PLAC1: variants seen among roughly 807,000 people sequenced by gnomAD.
The protein encoded by PLAC1 is placenta associated 1, also known as placenta-specific protein 1.
For missense variants in PLAC1, 136 were observed against 163.2 expected, an observed-to-expected ratio of 0.83 and a Z score of 0.91; for synonymous variants, 68 against 62.1, an observed-to-expected ratio of 1.09 and a Z score of -0.44.
intron 1 of PLAC1, among the ~76,000 whole-genome samples, chrX:134,609,031 G>C (rs2078139241): frequency 9.1e-6 from 1 of 110,383 alleles, no homozygotes; most frequent in South Asian, 3.9e-4. Context: ...GGAGTGCAGT[G>C]GTGCAATCAT....
chrX:134,639,048 G>A (rs1351539681), intron 1 of PLAC1, among the ~76,000 whole-genome samples: 1 of 111,579 alleles, frequency 9.0e-6, no homozygotes, highest in Non-Finnish European at 1.9e-5. Flanking sequence ...TTGGTTTCCT[G>A]TGCCTGTGTT....
intron 1 of PLAC1, among the ~76,000 whole-genome samples, chrX:134,635,785 G>C (rs1446230464): frequency 8.9e-6 from 1 of 111,752 alleles, no homozygotes; most frequent in Non-Finnish European, 1.9e-5. Context: ...TGCAATCCTG[G>C]CTCCCACAGC....
chrX:134,588,289 A>T (rs1296278270), intron 2 of PLAC1, among the ~76,000 whole-genome samples: 4 of 57,040 alleles, frequency 7.0e-5, no homozygotes, highest in African/African-American at 2.1e-4. Flanking sequence ...AGAACTCTTT[A>T]TTTTATTTAT....
chrX:134,645,550 T>C (rs1241496459), intron 1 of PLAC1, among the ~76,000 whole-genome samples: 1 of 111,503 alleles, frequency 9.0e-6, no homozygotes, highest in Non-Finnish European at 1.9e-5. Flanking sequence ...CTGCTACGCA[T>C]TGTTGTGTAG....
At chrX:134,598,239 C>T (rs145298510) in intron 2 of PLAC1, among the ~76,000 whole-genome samples, 8,590 of 111,557 alleles carry the variant, frequency 0.077, 316 homozygotes, top group Non-Finnish European at 0.12. Context: ...GGATCATACT[C>T]GTGTAGCTTG....
chrX:134,695,185 A>C (rs1250545589), intron 2 of PLAC1, among the ~76,000 whole-genome samples: 1 of 112,110 alleles, frequency 8.9e-6, no homozygotes, highest in Admixed American at 9.4e-5. Context: ...TAGGTGATAG[A>C]GAATTCTTCA....
intron 2 of PLAC1, among the ~76,000 whole-genome samples, chrX:134,717,189 C>T (rs1368936573): frequency 9.0e-6 from 1 of 111,348 alleles, no homozygotes; most frequent in Non-Finnish European, 1.9e-5. Flanking sequence ...GGTACGTGTG[C>T]GTTCTGGGTA....
At chrX:134,724,018 G>A (rs1416323784) in intron 2 of PLAC1, among the ~76,000 whole-genome samples, 1 of 108,883 alleles carries the variant, frequency 9.2e-6, no homozygotes, top group Non-Finnish European at 1.9e-5. Flanking sequence ...AATCTAAATT[G>A]AGGGACATTT....
rs1220431769 is a variant in PLAC1 at position 134,682,248 on chromosome X, G to C, written n.174+51187C>G. On this transcript the variant is annotated intron_variant and non_coding_transcript_variant, in intron 2 of 2. Transcript: ENST00000466797. The stretch of plus-strand genomic sequence containing the variant: ...ATGCCTTGGCATTCTTCTGGGCAAA[G>C]TAATTTTTAAGGCCCTTTCTGACTC... Among the ~76,000 whole-genome samples the C allele has an allele frequency of 3.6e-5, 4 of 112,474 alleles. No homozygotes were observed. The Admixed American group carries it at 3.8e-4, about 11-fold the overall frequency.
intron 2 of PLAC1, among the ~76,000 whole-genome samples, chrX:134,688,977 G>A (rs2078527776): frequency 8.9e-6 from 1 of 111,765 alleles, no homozygotes; most frequent in African/African-American, 3.3e-5. Context: ...TTCAGTTAAG[G>A]GCACTACTAT....
intron 1 of PLAC1, chrX:134,607,727 C>T (rs1195764337): frequency 9.0e-6 from 1 of 111,235 alleles, no homozygotes; most frequent in Non-Finnish European, 1.9e-5. Flanking sequence ...CAAGTGAAAG[C>T]TATTAGCCCT....
intron 1 of PLAC1, chrX:134,760,342 C>A (rs2078766848): frequency 9.0e-6 from 1 of 111,270 alleles, no homozygotes. Flanking sequence ...TGCCACTGCA[C>A]AAAACTGAAC....
At chrX:134,755,519 A>G (rs1157631998) in intron 1 of PLAC1, among the ~76,000 whole-genome samples, 2 of 111,942 alleles carry the variant, frequency 1.8e-5, no homozygotes, top group Non-Finnish European at 3.8e-5. Flanking sequence ...CAGGGATATC[A>G]AGGAGTGCCT....
At chrX:134,685,365 C>T (rs1380124865) in intron 2 of PLAC1, among the ~76,000 whole-genome samples, 1 of 109,015 alleles carries the variant, frequency 9.2e-6, no homozygotes, top group African/African-American at 3.3e-5. Flanking sequence ...AAAATAGTGC[C>T]CACACTGGGT....
Position 134,566,462 on chromosome X carries a change from G to T in PLAC1, c.221C>A (p.Thr74Asn). ...GATGCCACATTCAGTAACACGGTAGGTGAACTGGTAGGCGTGTGGCTGAAC... is the reference window on the plus strand; with the variant it reads ...GATGCCACATTCAGTAACACGGTAGTTGAACTGGTAGGCGTGTGGCTGAAC... ...NHVQPHAYQF[T>N]YRVTECGIRA... The change falls in exon 3 of 3, where the codon ACC (threonine) becomes AAC (asparagine). Residue 74 changes from threonine (T) to asparagine (N), a missense_variant. Transcript: ENST00000359237. 8.3e-7 allele frequency: 1 copy of T among 1,211,879 alleles called. No individual in the cohort carries two copies. The highest frequency in any genetic ancestry group is 1.1e-6 in the Non-Finnish European group (1 of 895,342).
intron 2 of PLAC1, among the ~76,000 whole-genome samples, chrX:134,695,302 G>A (rs7058930): frequency 0.041 from 4,554 of 111,656 alleles, 246 homozygotes; most frequent in African/African-American, 0.14. Context: ...CTGTGCTGGG[G>A]GGGATATCAA....
intron 2 of PLAC1, among the ~76,000 whole-genome samples, chrX:134,665,588 T>G (rs1171459425): frequency 9.0e-6 from 1 of 111,207 alleles, no homozygotes. Flanking sequence ...TGGCAGGTAT[T>G]TTACTTAGTT....
At chrX:134,657,318 A>C (rs2078397049) in intron 1 of PLAC1, among the ~76,000 whole-genome samples, 1 of 112,456 alleles carries the variant, frequency 8.9e-6, no homozygotes, top group Non-Finnish European at 1.9e-5. Flanking sequence ...TAAGCCCGTC[A>C]TAATGTCAAA....
intron 2 of PLAC1, among the ~76,000 whole-genome samples, chrX:134,731,704 C>T (rs2078689339): frequency 9.0e-6 from 1 of 111,103 alleles, no homozygotes; most frequent in Non-Finnish European, 1.9e-5. Context: ...AAGCTCTGCC[C>T]CTGTTTTCCC....
Sources: allele counts gnomAD v4.1 joint callset (sites outside exome capture counted in the v4.1 genomes callset), GRCh38; gene constraint gnomAD v4.1.1; transcripts MANE v1.5; gene names NCBI Gene and HGNC (gene_info 2026-07-23, HGNC 2026-07-21).